Variants in UNC5D observed in about 807,000 individuals in gnomAD.
UNC5D encodes the protein unc-5 netrin receptor D.
UNC5D carries 39 observed loss-of-function variants against 105.4 expected under a neutral mutation model. That is an observed-to-expected ratio of 0.37 (90% CI 0.29 to 0.48). The LOEUF (loss-of-function observed/expected upper bound fraction) is 0.48, where lower values mean the gene tolerates loss of function less well. Ranked by LOEUF, UNC5D falls within the 20% of genes least tolerant of loss-of-function variation. UNC5D has a pLI of 0.98. For synonymous variants in UNC5D, 452 were observed against 450.4 expected, an observed-to-expected ratio of 1.00 and a Z score of -0.04; for missense variants, 991 against 1,202.4, an observed-to-expected ratio of 0.82 and a Z score of 2.60.
chr8:35,480,972 G>A (rs1810446292), intron 1 of UNC5D, among the ~76,000 whole-genome samples: 1 of 152,174 alleles, frequency 6.6e-6, no homozygotes, highest in African/African-American at 2.4e-5. Context: ...GAAATGCCAA[G>A]TGGAGGTGCA....
intron 1 of UNC5D, among the ~76,000 whole-genome samples, chr8:35,486,721 T>C (rs971910821): frequency 6.6e-6 from 1 of 152,210 alleles, no homozygotes; most frequent in African/African-American, 2.4e-5. Context: ...ATGCTTCCCA[T>C]GGATTAGGTA....
In UNC5D at chr8:35,235,767, C is replaced by A; in HGVS notation, c.-18C>A. 8.1e-7 allele frequency: 1 copy of A among 1,229,464 alleles called. No homozygotes were observed. 76.2% of individuals were successfully genotyped at this position (1,229,464 alleles called of 1,614,324 possible). On this transcript the variant is annotated 5_prime_UTR_variant, in exon 1 of 17. Coordinates refer to ENST00000404895, the MANE Select transcript of UNC5D (RefSeq NM_080872.4). ...CGGAGCGTGAAGAAGAGCCGCCCTC[C>A]GGAACGCGGCGAGGAGCATGGGGAG... is the stretch of plus-strand genomic sequence containing the variant.
chr8:35,515,524 A>G (rs1331166684), intron 1 of UNC5D, among the ~76,000 whole-genome samples: 4 of 152,120 alleles, frequency 2.6e-5, no homozygotes, highest in Non-Finnish European at 2.9e-5. Flanking sequence ...GTCTCTACTA[A>G]AAATACAAAA....
At chr8:35,738,693 A>G (rs1339203525) in intron 11 of UNC5D, among the ~76,000 whole-genome samples, 2 of 152,236 alleles carry the variant, frequency 1.3e-5, no homozygotes, top group Admixed American at 6.5e-5. Flanking sequence ...ATATTAGTCT[A>G]AACAGTAGAC....
chr8:35,715,155 AAAAC>A (rs1329842222), intron 8 of UNC5D, among the ~76,000 whole-genome samples: 2 of 152,268 alleles, frequency 1.3e-5, no homozygotes, highest in African/African-American at 2.4e-5. Flanking sequence ...CTGTCTCAAA[AAAAC>A]AAACAAAAAA....
At chr8:35,248,010 T>A (rs1231649940) in intron 1 of UNC5D, among the ~76,000 whole-genome samples, 1 of 30,796 alleles carries the variant, frequency 3.2e-5, no homozygotes, top group Non-Finnish European at 5.0e-5. Flanking sequence ...ATATATAAAA[T>A]ATATATAATA....
chr8:35,248,975 A>AT (rs1267644205), intron 1 of UNC5D, among the ~76,000 whole-genome samples: 1 of 90,088 alleles, frequency 1.1e-5, no homozygotes. Context: ...TATATTATAT[A>AT]TTTTTATATA....
chr8:35,700,309 T>TC (rs1055804010), intron 7 of UNC5D, among the ~76,000 whole-genome samples: 3 of 150,972 alleles, frequency 2.0e-5, no homozygotes, highest in Non-Finnish European at 4.4e-5. Context: ...TTAATTTTGT[T>TC]CCCCCCATCT....
At chr8:35,472,180 A>G (rs1047643399) in intron 1 of UNC5D, among the ~76,000 whole-genome samples, 1 of 152,222 alleles carries the variant, frequency 6.6e-6, no homozygotes, top group Non-Finnish European at 1.5e-5. Context: ...CATCAGAAGA[A>G]CACTTATTAT....
intron 7 of UNC5D, among the ~76,000 whole-genome samples, chr8:35,704,960 CTTTTTT>C (rs1001514087): frequency 2.3e-4 from 27 of 115,586 alleles, no homozygotes; most frequent in African/African-American, 8.8e-4. Flanking sequence ...TGCTGAATGC[CTTTTTT>C]TTTTTTTTTT....
chr8:35,560,813 C>T (rs1816902147), intron 2 of UNC5D, among the ~76,000 whole-genome samples: 1 of 152,162 alleles, frequency 6.6e-6, no homozygotes, highest in Non-Finnish European at 1.5e-5. Flanking sequence ...TTTATATGCA[C>T]TTTGCTCTGC....
chr8:35,636,802 C>CT (rs1390106256), intron 4 of UNC5D, among the ~76,000 whole-genome samples: 1 of 152,136 alleles, frequency 6.6e-6, no homozygotes, highest in East Asian at 1.9e-4. Context: ...TGCATTTCTG[C>CT]TAACTAAACA....
chr8:35,489,990 AAGAG>A (rs1278624489), intron 1 of UNC5D, among the ~76,000 whole-genome samples: 12 of 152,224 alleles, frequency 7.9e-5, no homozygotes, highest in African/African-American at 2.7e-4. Flanking sequence ...ATCCACTAAA[AAGAG>A]AGAGATCACT....
At chr8:35,548,308 A>G (rs536251699) in intron 1 of UNC5D, among the ~76,000 whole-genome samples, 2 of 152,274 alleles carry the variant, frequency 1.3e-5, no homozygotes, top group East Asian at 3.9e-4. Flanking sequence ...CTCAATGGGA[A>G]CAACCATTTC....
intron 1 of UNC5D, among the ~76,000 whole-genome samples, chr8:35,239,102 G>A (rs758479228): frequency 1.5e-4 from 23 of 152,248 alleles, no homozygotes; most frequent in Non-Finnish European, 2.6e-4. Flanking sequence ...GATCTTTTAA[G>A]CATCTCAGTT....
chr8:35,724,303 C>T (rs1828741260), intron 9 of UNC5D: 3 of 1,535,274 alleles, frequency 2.0e-6, no homozygotes, highest in Non-Finnish European at 2.6e-6. Context: ...GTAAATGCCA[C>T]TCTCCCTGCA....
chr8:35,602,528 G>A (rs1819960081), intron 4 of UNC5D, among the ~76,000 whole-genome samples: 1 of 152,166 alleles, frequency 6.6e-6, no homozygotes, highest in Non-Finnish European at 1.5e-5. Flanking sequence ...TTAGCCTTGG[G>A]AGAGCGTATG....
intron 2 of UNC5D, among the ~76,000 whole-genome samples, chr8:35,564,696 T>G (rs1163534520): frequency 6.6e-6 from 1 of 152,128 alleles, no homozygotes; most frequent in Non-Finnish European, 1.5e-5. Flanking sequence ...ACCTGTCACC[T>G]AAATAGTGTA....
At chr8:35,645,600 TGTAATCTAA>T (rs552385375) in intron 4 of UNC5D, among the ~76,000 whole-genome samples, 36 of 152,064 alleles carry the variant, frequency 2.4e-4, no homozygotes, top group Middle Eastern at 6.8e-3. Flanking sequence ...TCCCAGCTTA[TGTAATCTAA>T]GTGAAGTGTT....
Sources: gnomAD v4.1 joint callset for allele counts (sites outside exome capture counted in the v4.1 genomes callset) on GRCh38, gnomAD v4.1.1 for gene constraint, MANE v1.5 for transcripts, NCBI Gene and HGNC (gene_info 2026-07-23, HGNC 2026-07-21) for gene names.